TNNI3K: variants seen among roughly 807,000 people sequenced by gnomAD.
TNNI3K encodes the protein TNNI3 interacting kinase, also known as serine/threonine-protein kinase TNNI3K.
In TNNI3K, 140 loss-of-function variants were observed where a neutral mutation model predicts 114.5. The observed-to-expected ratio is 1.22, with a 90% CI of 1.07 to 1.41. TNNI3K has a LOEUF of 1.41. TNNI3K is among the 40% of genes most tolerant of loss of function. The pLI is 0.00. For synonymous variants in TNNI3K, 347 were observed against 347.5 expected (o/e 1.00, Z 0.02); for missense variants, 1,125 against 1,007.6 (o/e 1.12, Z -1.58).
At chr1:74,506,992 A>G (rs1030543379) in intron 23 of TNNI3K, among the ~76,000 whole-genome samples, 2 of 152,190 alleles carry the variant, frequency 1.3e-5, no homozygotes, top group South Asian at 2.1e-4. Flanking sequence ...ATAATTTCAT[A>G]TCTGTAATAC....
At chr1:74,350,246 G>A (rs951900625) in intron 9 of TNNI3K, among the ~76,000 whole-genome samples, 1 of 152,156 alleles carries the variant, frequency 6.6e-6, no homozygotes, top group Non-Finnish European at 1.5e-5. Flanking sequence ...AGTCATTCAG[G>A]AGCAGGTTGT....
At chr1:74,378,641 T>G (rs1663044168) in intron 17 of TNNI3K, 1 of 123,278 alleles carries the variant, frequency 8.1e-6, no homozygotes, top group Non-Finnish European at 1.7e-5. Flanking sequence ...TATATATATA[T>G]TTCATTTCAT....
At chr1:74,271,753 T>A in intron 5 of TNNI3K, 45 bp downstream of exon 5, 1 of 1,499,342 alleles carries the variant, frequency 6.7e-7, no homozygotes, top group African/African-American at 1.4e-5. Context: ...GTTATTTACC[T>A]TTTCGGTTGT....
At chr1:74,516,096 C>A (rs1646343836) in intron 23 of TNNI3K, among the ~76,000 whole-genome samples, 1 of 152,168 alleles carries the variant, frequency 6.6e-6, no homozygotes, top group African/African-American at 2.4e-5. Context: ...TGGAACTAGG[C>A]TGAGAATGTA....
At chr1:74,239,905 C>A in intron 2 of TNNI3K, 1 of 467,476 alleles carries the variant, frequency 2.1e-6, no homozygotes, top group Admixed American at 2.4e-5. Context: ...AATGTTCTTT[C>A]ATCTTCTGCT....
intron 5 of TNNI3K, among the ~76,000 whole-genome samples, chr1:74,310,026 T>C (rs998229466): frequency 1.3e-5 from 2 of 152,186 alleles, no homozygotes; most frequent in Non-Finnish European, 2.9e-5. Context: ...ATTATCTCTG[T>C]TCACTGACCA....
intron 4 of TNNI3K, among the ~76,000 whole-genome samples, chr1:74,258,132 C>A (rs1655442037): frequency 6.6e-6 from 1 of 152,138 alleles, no homozygotes; most frequent in Non-Finnish European, 1.5e-5. Flanking sequence ...TACTACATGA[C>A]CTCCAGTATC....
chr1:74,268,879 C>T (rs1019503391), intron 4 of TNNI3K, among the ~76,000 whole-genome samples: 3 of 151,852 alleles, frequency 2.0e-5, no homozygotes, highest in African/African-American at 7.2e-5. Context: ...AATTTCCCTA[C>T]TACTTATTGC....
rs1667007748 is a variant in TNNI3K at position 74,451,666 on chromosome 1, T to TCTTTTCTTTC, written c.2012-11766_2012-11765insCCTTTTCTTT. ...TCTTTCTTTCCTTTCTTTTTTCTTT[T>TCTTTTCTTTC]CTTTTCTTTTCTTTTCTTTTCTTTC... is the stretch of plus-strand genomic sequence containing the variant. On this transcript the variant is annotated intron_variant, in intron 20 of 24. Coordinates refer to ENST00000326637, the MANE Select transcript of TNNI3K (RefSeq NM_015978.3). 5.8e-5 allele frequency among the ~76,000 whole-genome samples: 3 copies of TCTTTTCTTTC among 52,134 alleles called. No homozygotes were observed. The South Asian group carries it at 2.3e-3, about 39-fold the overall frequency. The allele number at this position is 52,134 out of a possible 152,430, so 34.2% of individuals were successfully genotyped here. A position where few individuals can be genotyped will look rare whatever the true frequency, so the allele number is the denominator to read the frequency against.
At chr1:74,478,423 C>G (rs1668312754) in intron 21 of TNNI3K, among the ~76,000 whole-genome samples, 1 of 152,108 alleles carries the variant, frequency 6.6e-6, no homozygotes, top group Admixed American at 6.6e-5. Context: ...TAATAAAGAA[C>G]TGTTAATGTA....
chr1:74,422,325 G>A (rs759632237), intron 17 of TNNI3K, among the ~76,000 whole-genome samples: 1 of 151,844 alleles, frequency 6.6e-6, no homozygotes, highest in Non-Finnish European at 1.5e-5. Context: ...TCCAATGCAG[G>A]TATTTCATTT....
intron 5 of TNNI3K, among the ~76,000 whole-genome samples, chr1:74,296,999 A>C (rs1347455892): frequency 6.6e-6 from 1 of 151,990 alleles, no homozygotes; most frequent in Non-Finnish European, 1.5e-5. Flanking sequence ...GCATTTCTTC[A>C]TTTCTTCATT....
chr1:74,422,197 C>G (rs938512261), intron 17 of TNNI3K, among the ~76,000 whole-genome samples: 6 of 151,788 alleles, frequency 4.0e-5, no homozygotes, highest in Admixed American at 2.6e-4. Context: ...TAAGAGTGTT[C>G]ACACATCCCC....
At chr1:74,438,701 A>G (rs1413462409) in intron 19 of TNNI3K, among the ~76,000 whole-genome samples, 2 of 152,096 alleles carry the variant, frequency 1.3e-5, no homozygotes, top group Non-Finnish European at 2.9e-5. Context: ...AAATTTATGC[A>G]TTTGCATCCC....
At chr1:74,302,199 G>C (rs1019538287) in intron 5 of TNNI3K, among the ~76,000 whole-genome samples, 1 of 152,080 alleles carries the variant, frequency 6.6e-6, no homozygotes, top group Admixed American at 6.6e-5. Context: ...AATTGTTTTG[G>C]GGAGCCATAA....
chr1:74,480,898 C>G (rs970368225), intron 21 of TNNI3K: 1 of 717,354 alleles, frequency 1.4e-6, no homozygotes. Flanking sequence ...ACAAGAGAGA[C>G]AGGTTTGTGC....
intron 17 of TNNI3K, among the ~76,000 whole-genome samples, chr1:74,388,193 G>T (rs987657927): frequency 3.3e-5 from 5 of 152,078 alleles, no homozygotes; most frequent in African/African-American, 4.8e-5. Flanking sequence ...CAGAAGAATG[G>T]CTTGAACCTG....
chr1:74,306,270 A>T (rs140255014), intron 5 of TNNI3K, among the ~76,000 whole-genome samples: 2 of 151,974 alleles, frequency 1.3e-5, no homozygotes, highest in Non-Finnish European at 2.9e-5. Context: ...TCTTTATCCA[A>T]TCCATCATTG....
chr1:74,356,361 C>T (rs935212291), intron 11 of TNNI3K, among the ~76,000 whole-genome samples: 7 of 152,156 alleles, frequency 4.6e-5, no homozygotes, highest in Admixed American at 1.3e-4. Flanking sequence ...ATATGTCTTT[C>T]GTTGAATATA....
Sources: allele counts gnomAD v4.1 joint callset (sites outside exome capture counted in the v4.1 genomes callset), GRCh38; gene constraint gnomAD v4.1.1; transcripts MANE v1.5; gene names NCBI Gene and HGNC (gene_info 2026-07-23, HGNC 2026-07-21).